The following CHCHD6 variants were observed in gnomAD, a reference collection of about 807,000 sequenced individuals.
CHCHD6 encodes MICOS complex subunit MIC25.
In CHCHD6, 28 loss-of-function variants were observed where a neutral mutation model predicts 32.3. That is an observed-to-expected ratio of 0.87 (90% confidence interval 0.64 to 1.19). The LOEUF (loss-of-function observed/expected upper bound fraction) is 1.19. Ranked by LOEUF, CHCHD6 falls within the 50% of genes most tolerant of loss-of-function variation. The pLI is 0.00. For synonymous variants in CHCHD6, 122 were observed against 117.5 expected (o/e 1.04, Z -0.25); for missense variants, 333 against 307.0 (o/e 1.08, Z -0.63).
intron 4 of CHCHD6, among the ~76,000 whole-genome samples, chr3:126,816,319 TC>T (rs1939896287): frequency 6.6e-6 from 1 of 152,204 alleles, no homozygotes; most frequent in South Asian, 2.1e-4. Flanking sequence ...GTCATATTAA[TC>T]CTGATTAAAC....
Position 126,770,538 on chromosome 3 carries a change from G to C in CHCHD6, c.411+37316G>C, listed in dbSNP as rs138340280. 6.8e-4 allele frequency among the ~76,000 whole-genome samples: 104 copies of C among 152,268 alleles called. 2 individuals are homozygous for C. Among genetic ancestry groups the C allele is most frequent in the African/African-American group, 2.4e-3 (98 of 41,556 alleles). On this transcript the variant is annotated intron_variant, in intron 4 of 7. Coordinates refer to ENST00000290913, the MANE Select transcript of CHCHD6 (RefSeq NM_032343.3). Reference sequence around the variant, plus strand: ...CTTATTGAGGGTTTTTAACATGAAGGGATGTTGAATTTTATAGGAAACCTT... The same window carrying C: ...CTTATTGAGGGTTTTTAACATGAAGCGATGTTGAATTTTATAGGAAACCTT...
intron 1 of CHCHD6, among the ~76,000 whole-genome samples, chr3:126,706,432 T>TC (rs1033215731): frequency 6.6e-6 from 1 of 151,974 alleles, no homozygotes; most frequent in African/African-American, 2.4e-5. Context: ...CTTCTGCAAT[T>TC]CCCCCCCATG....
intron 4 of CHCHD6, among the ~76,000 whole-genome samples, chr3:126,744,911 T>C (rs1936430101): frequency 6.6e-6 from 1 of 152,214 alleles, no homozygotes; most frequent in Non-Finnish European, 1.5e-5. Flanking sequence ...TGGGACCTCC[T>C]GTCTTTTTGA....
chr3:126,898,479 G>A (rs2107581623), intron 5 of CHCHD6, among the ~76,000 whole-genome samples: 1 of 152,306 alleles, frequency 6.6e-6, no homozygotes, highest in East Asian at 1.9e-4. Context: ...GAGATATTTT[G>A]GAAGTGGGTA....
At chr3:126,943,933 A>T (rs1236373502) in intron 6 of CHCHD6, among the ~76,000 whole-genome samples, 1 of 152,240 alleles carries the variant, frequency 6.6e-6, no homozygotes, top group African/African-American at 2.4e-5. Flanking sequence ...ACTTCATGAA[A>T]ACTAATTCAG....
chr3:126,843,246 C>T (rs1039303415), intron 4 of CHCHD6, among the ~76,000 whole-genome samples: 4 of 152,102 alleles, frequency 2.6e-5, no homozygotes, highest in Admixed American at 2.0e-4. Flanking sequence ...ATCCTGCTGG[C>T]GTAAACCCTA....
intron 4 of CHCHD6, among the ~76,000 whole-genome samples, chr3:126,788,446 G>A (rs1261363341): frequency 6.6e-6 from 1 of 152,064 alleles, no homozygotes; most frequent in Non-Finnish European, 1.5e-5. Context: ...CTGTGAATCC[G>A]TCTGGTGTTG....
intron 4 of CHCHD6, among the ~76,000 whole-genome samples, chr3:126,756,712 C>G (rs1936969620): frequency 6.6e-6 from 1 of 152,218 alleles, no homozygotes; most frequent in Non-Finnish European, 1.5e-5. Context: ...ATTCACTCAA[C>G]AGGTATTTAT....
intron 6 of CHCHD6, among the ~76,000 whole-genome samples, chr3:126,945,734 G>A (rs1183790998): frequency 9.6e-5 from 14 of 146,388 alleles, no homozygotes; most frequent in Non-Finnish European, 1.7e-4. Context: ...GGGAGACATG[G>A]GGAGACTCGG....
At chr3:126,722,948 A>G (rs1935375022) in intron 1 of CHCHD6, among the ~76,000 whole-genome samples, 1 of 152,170 alleles carries the variant, frequency 6.6e-6, no homozygotes, top group Admixed American at 6.5e-5. Flanking sequence ...CTTAATGTTT[A>G]GGTCTCGGAT....
intron 5 of CHCHD6, among the ~76,000 whole-genome samples, chr3:126,908,659 G>A (rs1462925870): frequency 6.6e-6 from 1 of 152,144 alleles, no homozygotes; most frequent in Non-Finnish European, 1.5e-5. Flanking sequence ...AAGGAGACCT[G>A]ACACTTCCGA....
chr3:126,718,920 A>T (rs2107653381), intron 1 of CHCHD6, among the ~76,000 whole-genome samples: 2 of 152,234 alleles, frequency 1.3e-5, no homozygotes, highest in Middle Eastern at 3.4e-3. Context: ...GTGGCAACAT[A>T]AAAAAAATTA....
At chr3:126,773,792 G>T (rs1027147529) in intron 4 of CHCHD6, among the ~76,000 whole-genome samples, 1 of 152,062 alleles carries the variant, frequency 6.6e-6, no homozygotes, top group South Asian at 2.1e-4. Flanking sequence ...TTTTAGTAGA[G>T]ATGGGGTTTC....
rs192145350 is a variant in CHCHD6 at position 126,833,351 on chromosome 3, T to C, written c.412-19296T>C. On this transcript the variant is annotated intron_variant, in intron 4 of 7. Coordinates refer to ENST00000290913, the MANE Select transcript of CHCHD6 (RefSeq NM_032343.3). ...GCACGGGTACAGACACTCAGCTCTT[T>C]CCAGAAACTCAATACCTCCCTGAAA... Among the ~76,000 whole-genome samples, 6 of 152,320 alleles carry C rather than the reference T, an allele frequency of 3.9e-5. No individual in the cohort carries two copies. The East Asian group carries it at 1.2e-3, about 29-fold the overall frequency.
At chr3:126,724,985 G>A (rs1935467084) in intron 1 of CHCHD6, among the ~76,000 whole-genome samples, 1 of 152,088 alleles carries the variant, frequency 6.6e-6, no homozygotes. Flanking sequence ...TTGAAGTCTT[G>A]AACCCCTCAG....
intron 4 of CHCHD6, among the ~76,000 whole-genome samples, chr3:126,822,240 A>T (rs960569663): frequency 6.6e-6 from 1 of 152,174 alleles, no homozygotes; most frequent in Non-Finnish European, 1.5e-5. Context: ...GTTTTTGTAT[A>T]TGGTGTGAGG....
chr3:126,794,705 T>G (rs1342655942), intron 4 of CHCHD6, among the ~76,000 whole-genome samples: 1 of 152,206 alleles, frequency 6.6e-6, no homozygotes. Context: ...AATATTCTCC[T>G]ACTGTCTTCT....
chr3:126,866,475 G>A (rs550130506), intron 5 of CHCHD6, among the ~76,000 whole-genome samples: 32 of 152,300 alleles, frequency 2.1e-4, no homozygotes, highest in Non-Finnish European at 3.7e-4. Flanking sequence ...TGTCATTCCC[G>A]TTTTACAGAT....
intron 6 of CHCHD6, among the ~76,000 whole-genome samples, chr3:126,925,789 G>A (rs2078315830): frequency 6.6e-6 from 1 of 152,240 alleles, no homozygotes; most frequent in African/African-American, 2.4e-5. Flanking sequence ...ATCCACAGAA[G>A]AGAGCCACGG....
Sources: allele counts gnomAD v4.1 joint callset (sites outside exome capture counted in the v4.1 genomes callset), GRCh38; gene constraint gnomAD v4.1.1; transcripts MANE v1.5; gene names NCBI Gene and HGNC (gene_info 2026-07-23, HGNC 2026-07-21).